Variants in NRXN3 observed in about 807,000 individuals in gnomAD.
NRXN3 encodes neurexin 3.
Under a neutral mutation model 137.6 loss-of-function variants are expected in NRXN3, and 32 were observed. The ratio of observed to expected loss-of-function variants is 0.23; its 90% CI spans 0.18 to 0.31. The LOEUF is 0.31. Among genes scored for constraint, NRXN3 ranks in the 10% least tolerant of loss-of-function variants. NRXN3 has a pLI of 1.00. For synonymous variants in NRXN3, 798 were observed against 784.5 expected, an observed-to-expected ratio of 1.02 and a Z score of -0.29; for missense variants, 1,574 against 2,062.5, an observed-to-expected ratio of 0.76 and a Z score of 4.59.
At position 79,269,043 on chromosome 14, in the gene NRXN3, C is replaced by CTTATTTTATTTTATTTTATTTTATT. The variant is rs71131690; in HGVS notation, c.3263-198156_3263-198155insATTTTATTTTATTTTATTTTATTTT. ...ATTTTCTTACTAAATTTTTATTTTT[C>CTTATTTTATTTTATTTTATTTTATT]TTATTTTATTTTATTTTATTTTTTG... On this transcript the variant is annotated intron_variant, in intron 15 of 20. Transcript: ENST00000335750. Among the ~76,000 whole-genome samples the CTTATTTTATTTTATTTTATTTTATT allele has an allele frequency of 1.2e-3, 183 of 150,336 alleles. 2 individuals are homozygous for CTTATTTTATTTTATTTTATTTTATT. Among genetic ancestry groups the CTTATTTTATTTTATTTTATTTTATT allele is most frequent in the African/African-American group, 4.3e-3 (176 of 40,932 alleles).
intron 1 of NRXN3, among the ~76,000 whole-genome samples, chr14:78,178,812 C>T (rs528515620): frequency 3.9e-5 from 6 of 152,202 alleles, no homozygotes; most frequent in Admixed American, 3.9e-4. Context: ...GGTCTGAATC[C>T]AGGGACTCTG....
chr14:78,226,114 C>T (rs1194870321), intron 1 of NRXN3, among the ~76,000 whole-genome samples: 1 of 152,054 alleles, frequency 6.6e-6, no homozygotes, highest in Non-Finnish European at 1.5e-5. Context: ...AGCGATTCTC[C>T]TGCCTCAGCC....
At chr14:79,211,871 C>A (rs1029433346) in intron 15 of NRXN3, among the ~76,000 whole-genome samples, 2 of 152,092 alleles carry the variant, frequency 1.3e-5, no homozygotes, top group Non-Finnish European at 2.9e-5. Flanking sequence ...ACTCCCCTAC[C>A]CTCACTGTTA....
intron 10 of NRXN3, among the ~76,000 whole-genome samples, chr14:78,955,403 A>G (rs1241668026): frequency 1.3e-5 from 2 of 152,330 alleles, no homozygotes; most frequent in African/African-American, 4.8e-5. Flanking sequence ...AGTTGAAAAT[A>G]CAGGGAAATT....
chr14:78,361,816 T>C (rs1441801866), intron 4 of NRXN3, among the ~76,000 whole-genome samples: 1 of 152,234 alleles, frequency 6.6e-6, no homozygotes, highest in Non-Finnish European at 1.5e-5. Flanking sequence ...GCTCCCTTTA[T>C]TTGTCAAGCT....
Position 79,024,884 on chromosome 14 carries a change from A to G in NRXN3, c.3262+36743A>G, listed in dbSNP as rs570771312. 5.9e-5 allele frequency among the ~76,000 whole-genome samples: 9 copies of G among 152,266 alleles called. No individual in the cohort carries two copies. In the East Asian group the frequency reaches 9.7e-4, roughly 16 times the overall value. ...AATATAAGGTATTTGTTGAGCAATTATTAAATATGTCATCTCTAACACAAC... is the reference window on the plus strand; with the variant it reads ...AATATAAGGTATTTGTTGAGCAATTGTTAAATATGTCATCTCTAACACAAC... On this transcript the variant is annotated intron_variant, in intron 15 of 20. Transcript: ENST00000335750.
intron 14 of NRXN3, among the ~76,000 whole-genome samples, chr14:78,970,818 C>T (rs1049966784): frequency 5.9e-5 from 9 of 152,066 alleles, no homozygotes; most frequent in Admixed American, 1.3e-4. Flanking sequence ...TGTTCAAAGC[C>T]GGATATTGTG....
At position 79,114,049 on chromosome 14, in the gene NRXN3, G is replaced by A. The variant is rs74510759; in HGVS notation, c.3262+125908G>A. 8.6e-3 allele frequency among the ~76,000 whole-genome samples: 1,305 copies of A among 152,254 alleles called. 15 individuals are homozygous for A. Among genetic ancestry groups the A allele is most frequent in the African/African-American group, 0.029 (1,221 of 41,538 alleles). On this transcript the variant is annotated intron_variant, in intron 15 of 20. Coordinates refer to ENST00000335750, the MANE Select transcript of NRXN3 (RefSeq NM_001330195.2). ...CTGATCTTGACGCTTAATGACATTT[G>A]TAGTCACATTTTCTGGTTTCTTCTA...
intron 15 of NRXN3, among the ~76,000 whole-genome samples, chr14:79,038,778 T>C (rs547451645): frequency 6.6e-6 from 1 of 152,290 alleles, no homozygotes; most frequent in South Asian, 2.1e-4. Context: ...AGTTTTCCAC[T>C]GATGCCGACT....
At chr14:78,574,999 T>A (rs1461311062) in intron 4 of NRXN3, among the ~76,000 whole-genome samples, 1 of 152,182 alleles carries the variant, frequency 6.6e-6, no homozygotes, top group South Asian at 2.1e-4. Flanking sequence ...GACAATTGAA[T>A]CATGAGGGTG....
intron 15 of NRXN3, among the ~76,000 whole-genome samples, chr14:79,342,894 T>C (rs1047771929): frequency 6.6e-6 from 1 of 152,186 alleles, no homozygotes; most frequent in African/African-American, 2.4e-5. Context: ...ACCGGAGTTT[T>C]ACTATTACTC....
intron 14 of NRXN3, among the ~76,000 whole-genome samples, chr14:78,981,545 T>C (rs761470708): frequency 2.6e-5 from 4 of 152,214 alleles, no homozygotes; most frequent in Non-Finnish European, 5.9e-5. Context: ...ATTACTTAAA[T>C]TTGAAATTAT....
intron 4 of NRXN3, among the ~76,000 whole-genome samples, chr14:78,605,334 C>T (rs17107907): frequency 0.019 from 2,921 of 152,278 alleles, 106 homozygotes; most frequent in East Asian, 0.18. Context: ...AAGGGAAACA[C>T]TGAACTCTTA....
intron 8 of NRXN3, among the ~76,000 whole-genome samples, chr14:78,794,785 A>G (rs1290958608): frequency 1.3e-5 from 2 of 152,076 alleles, no homozygotes; most frequent in Admixed American, 1.3e-4. Flanking sequence ...TAACAAAATT[A>G]AATCTCTGGC....
intron 15 of NRXN3, among the ~76,000 whole-genome samples, chr14:79,299,937 G>A (rs2084850558): frequency 6.6e-6 from 1 of 152,084 alleles, no homozygotes; most frequent in Admixed American, 6.6e-5. Flanking sequence ...TGCATTGAAT[G>A]TCAGCCATGT....
chr14:79,719,402 G>GTATATATATATATATATATATA (rs143848752), intron 19 of NRXN3, among the ~76,000 whole-genome samples: 1 of 142,280 alleles, frequency 7.0e-6, no homozygotes, highest in African/African-American at 2.7e-5. Flanking sequence ...ATATATGTGT[G>GTATATATATATATATATATATA]TATATATATA....
At chr14:78,463,988 A>G (rs1172925249) in intron 4 of NRXN3, among the ~76,000 whole-genome samples, 1 of 151,262 alleles carries the variant, frequency 6.6e-6, no homozygotes, top group African/African-American at 2.4e-5. Flanking sequence ...ATTCTTTTTT[A>G]TGCTGCCTAT....
intron 4 of NRXN3, among the ~76,000 whole-genome samples, chr14:78,569,382 C>A (rs565895534): frequency 6.6e-6 from 1 of 151,992 alleles, no homozygotes; most frequent in Non-Finnish European, 1.5e-5. Context: ...TCTCCTGCCT[C>A]AGCCTTCTGA....
chr14:78,202,960 T>C (rs950708371), intron 1 of NRXN3, among the ~76,000 whole-genome samples: 1 of 152,218 alleles, frequency 6.6e-6, no homozygotes, highest in Non-Finnish European at 1.5e-5. Flanking sequence ...CAAGTAGAGA[T>C]AGACATCTAG....
Sources: gnomAD v4.1 joint callset for allele counts (sites outside exome capture counted in the v4.1 genomes callset) on GRCh38, gnomAD v4.1.1 for gene constraint, MANE v1.5 for transcripts, NCBI Gene and HGNC (gene_info 2026-07-23, HGNC 2026-07-21) for gene names.